PLA2G5: variants seen among roughly 807,000 people sequenced by gnomAD.
PLA2G5 encodes Ca2+-dependent phospholipase A2.
PLA2G5 carries 12 observed loss-of-function variants against 15.9 expected under a neutral mutation model. That is an observed-to-expected ratio of 0.76 (90% CI 0.48 to 1.23). The LOEUF (loss-of-function observed/expected upper bound fraction) is 1.23, where lower values mean the gene tolerates loss of function less well. PLA2G5 is among the 50% of genes most tolerant of loss of function. PLA2G5 has a pLI of 0.00. For missense variants in PLA2G5, 169 were observed against 177.1 expected (o/e 0.95, Z 0.26); for synonymous variants, 71 against 71.4 (o/e 0.99, Z 0.03).
Position 20,032,518 on chromosome 1 carries a change from AAGG to A in PLA2G5, n.276+3813_276+3815del, listed in dbSNP as rs1362345727. On this transcript the variant is annotated intron_variant and non_coding_transcript_variant, in intron 1 of 6. Transcript: ENST00000460175. ...TGTCTTCAGGCCTGGTGTGTGGGGA[AAGG>A]AGGTGGTTTGATAGCTCCCTGAGGG... is the stretch of plus-strand genomic sequence containing the variant. Among the ~76,000 whole-genome samples, 7 of 152,224 alleles carry A rather than the reference AAGG, an allele frequency of 4.6e-5. No individual in the cohort carries two copies. The East Asian group carries it at 1.4e-3, about 29-fold the overall frequency.
At chr1:20,039,055 G>C (rs1197640288) in intron 1 of PLA2G5, among the ~76,000 whole-genome samples, 1 of 152,184 alleles carries the variant, frequency 6.6e-6, no homozygotes, top group Non-Finnish European at 1.5e-5. Context: ...CTCAGTTAGG[G>C]TCTTGTGAAC....
At chr1:20,057,416 T>A (rs1295668951) in intron 1 of PLA2G5, among the ~76,000 whole-genome samples, 2 of 152,118 alleles carry the variant, frequency 1.3e-5, no homozygotes, top group Admixed American at 1.3e-4. Context: ...TAATTTCTGC[T>A]TTGCAGAAAT....
intron 2 of PLA2G5, among the ~76,000 whole-genome samples, chr1:20,085,100 T>C (rs1049119315): frequency 1.3e-5 from 2 of 152,144 alleles, no homozygotes; most frequent in African/African-American, 2.4e-5. Context: ...CTAGGAGATA[T>C]TGTACCTCAG....
chr1:20,038,380 A>G (rs1414612927), intron 1 of PLA2G5, among the ~76,000 whole-genome samples: 1 of 152,166 alleles, frequency 6.6e-6, no homozygotes, highest in East Asian at 1.9e-4. Context: ...TTACACTAGC[A>G]GCCCTCCCCA....
intron 1 of PLA2G5, among the ~76,000 whole-genome samples, chr1:20,057,021 C>T (rs983874374): frequency 2.6e-5 from 4 of 152,052 alleles, no homozygotes; most frequent in Non-Finnish European, 4.4e-5. Flanking sequence ...TATAATATTA[C>T]TTTTATTCCT....
At chr1:20,079,974 A>G (rs1214365548) in intron 1 of PLA2G5, among the ~76,000 whole-genome samples, 1 of 152,178 alleles carries the variant, frequency 6.6e-6, no homozygotes, top group East Asian at 1.9e-4. Flanking sequence ...CCAGCTCAGG[A>G]ACAAGGCAGA....
Position 20,072,409 on chromosome 1 carries a change from G to A in PLA2G5, c.-11+1944G>A, listed in dbSNP as rs11573205. On this transcript the variant is annotated intron_variant, in intron 1 of 4. Coordinates refer to ENST00000375108, the MANE Select transcript of PLA2G5 (RefSeq NM_000929.3). The stretch of plus-strand genomic sequence containing the variant: ...TAAATAGTTATTGAATGATAAGTAC[G>A]TTAAGTTTACAAAGATGAGTAGGAG... Among the ~76,000 whole-genome samples, 426 of 152,234 alleles carry A rather than the reference G, an allele frequency of 2.8e-3. 2 individuals are homozygous for A. The highest frequency in any genetic ancestry group is 9.1e-3 in the African/African-American group (378 of 41,538).
chr1:20,086,152 C>G lies in PLA2G5; in HGVS notation c.110C>G (p.Ala37Gly), dbSNP rs142480941. Residue 37 changes from alanine to glycine, a missense_variant, in exon 3 of 5, where the codon GCC (alanine) becomes GGC (glycine). Transcript: ENST00000375108. The part of the protein sequence containing the change: ...SMIEKVTGKN[A>G]LTNYGFYGCY... ...ATCGAGAAGGTGACAGGGAAGAACG[C>G]CCTGACAAACTACGGCTTCTACGGC... The G allele has an allele frequency of 1.2e-5, 19 of 1,614,080 alleles. No individual in the cohort carries two copies. Among genetic ancestry groups the G allele is most frequent in the Non-Finnish European group, 1.6e-5 (19 of 1,179,992 alleles).
At chr1:20,044,718 G>A (rs1398505184) in intron 1 of PLA2G5, among the ~76,000 whole-genome samples, 1 of 152,164 alleles carries the variant, frequency 6.6e-6, no homozygotes, top group Non-Finnish European at 1.5e-5. Flanking sequence ...TGGGTGTGAG[G>A]AGGGGAGGTG....
At chr1:20,056,476 G>A (rs1437502197) in intron 1 of PLA2G5, among the ~76,000 whole-genome samples, 1 of 152,078 alleles carries the variant, frequency 6.6e-6, no homozygotes, top group Admixed American at 6.6e-5. Flanking sequence ...CTACGATTGT[G>A]TTGTTTTTCT....
chr1:20,040,910 C>T lies in PLA2G5; in HGVS notation n.276+12201C>T, dbSNP rs567332592. On this transcript the variant is annotated intron_variant and non_coding_transcript_variant, in intron 1 of 6. Coordinates refer to the PLA2G5 transcript ENST00000460175. ...ACCTAAGACCTGGAAGCCCCCTACCCGCTTCAAGTTGTCCTGCCTTTCTGG... is the reference window on the plus strand; with the variant it reads ...ACCTAAGACCTGGAAGCCCCCTACCTGCTTCAAGTTGTCCTGCCTTTCTGG... 3.0e-4 allele frequency among the ~76,000 whole-genome samples: 45 copies of T among 152,278 alleles called. No homozygotes were observed. The South Asian group carries it at 6.6e-3, about 22-fold the overall frequency.
upstream of PLA2G5, chr1:20,066,099 T>G (rs957702448): frequency 1.3e-5 from 2 of 152,240 alleles, no homozygotes; most frequent in African/African-American, 4.8e-5. Flanking sequence ...ATTTGTGGTG[T>G]TAACGTTTTG....
chr1:20,048,441 T>G (rs967009663), intron 1 of PLA2G5, among the ~76,000 whole-genome samples: 1 of 152,180 alleles, frequency 6.6e-6, no homozygotes, highest in Non-Finnish European at 1.5e-5. Context: ...GATCTTTGCT[T>G]GTGTAATTTC....
At chr1:20,042,028 C>T (rs1368854602) in intron 1 of PLA2G5, among the ~76,000 whole-genome samples, 2 of 151,974 alleles carry the variant, frequency 1.3e-5, no homozygotes, top group Non-Finnish European at 2.9e-5. Flanking sequence ...AGGATCCTTG[C>T]GTAGTGAGGA....
chr1:20,067,138 G>A (rs908647967), upstream of PLA2G5, among the ~76,000 whole-genome samples: 5 of 152,056 alleles, frequency 3.3e-5, no homozygotes, highest in Non-Finnish European at 7.4e-5. Flanking sequence ...TGGACTACAC[G>A]TGCACACCAC....
chr1:20,060,845 G>C (rs1213101836), intron 2 of PLA2G5, among the ~76,000 whole-genome samples: 2 of 151,014 alleles, frequency 1.3e-5, no homozygotes, highest in African/African-American at 4.9e-5. Flanking sequence ...AGACCCCTGA[G>C]TAGCTGGGAT....
chr1:20,072,007 C>T (rs777269080), intron 1 of PLA2G5, among the ~76,000 whole-genome samples: 14 of 152,180 alleles, frequency 9.2e-5, no homozygotes, highest in Non-Finnish European at 1.6e-4. Context: ...ACTCAGGAGG[C>T]TGAGGCAGGA....
intron 1 of PLA2G5, among the ~76,000 whole-genome samples, chr1:20,078,407 G>A (rs1035715475): frequency 3.3e-5 from 5 of 152,024 alleles, no homozygotes; most frequent in Non-Finnish European, 5.9e-5. Flanking sequence ...TGAGAATGGC[G>A]GAGCAGGTGT....
At chr1:20,073,680 C>T (rs530486135) in intron 1 of PLA2G5, among the ~76,000 whole-genome samples, 5 of 152,094 alleles carry the variant, frequency 3.3e-5, no homozygotes, top group African/African-American at 7.2e-5. Flanking sequence ...GTTGGGAGTT[C>T]GAGACCAGCC....
Sources: allele counts gnomAD v4.1 joint callset (sites outside exome capture counted in the v4.1 genomes callset), GRCh38; gene constraint gnomAD v4.1.1; transcripts MANE v1.5; gene names NCBI Gene and HGNC (gene_info 2026-07-23, HGNC 2026-07-21).